Variants in SMARCAD1 observed in about 807,000 individuals in gnomAD.
The protein encoded by SMARCAD1 is SNF2 related chromatin remodeling ATPase with DExD box 1, also known as SWI/SNF-related matrix-associated actin-dependent regulator of chromatin subfamily A containing DEAD/H box 1.
Under a neutral mutation model 127.1 loss-of-function variants are expected in SMARCAD1, and 25 were observed. That is an observed-to-expected ratio of 0.20 (90% CI 0.14 to 0.27). The LOEUF (loss-of-function observed/expected upper bound fraction) is 0.27, where lower values mean the gene tolerates loss of function less well. SMARCAD1 is among the 10% of genes least tolerant of loss of function. The pLI is 1.00. For synonymous variants in SMARCAD1, 400 were observed against 396.9 expected (o/e 1.01, Z -0.09); for missense variants, 807 against 1,206.0 (o/e 0.67, Z 4.90).
intron 10 of SMARCAD1, among the ~76,000 whole-genome samples, chr4:94,269,785 C>G (rs1457508361): frequency 6.6e-6 from 1 of 152,076 alleles, no homozygotes; most frequent in Non-Finnish European, 1.5e-5. Context: ...CCTTCCACCT[C>G]AGTCTCCTGA....
intron 8 of SMARCAD1, among the ~76,000 whole-genome samples, chr4:94,251,628 A>G (rs2125915205): frequency 6.6e-6 from 1 of 152,324 alleles, no homozygotes; most frequent in Middle Eastern, 3.4e-3. Context: ...TTTTTTATAA[A>G]TGCACAAAAA....
At chr4:94,265,882 T>G (rs1384157729) in intron 10 of SMARCAD1, among the ~76,000 whole-genome samples, 2 of 152,044 alleles carry the variant, frequency 1.3e-5, no homozygotes, top group East Asian at 3.8e-4. Context: ...AGCAGTAGGA[T>G]CTCATTAAAA....
intron 7 of SMARCAD1, among the ~76,000 whole-genome samples, chr4:94,250,133 G>A (rs12499309): frequency 0.4 from 60,151 of 151,204 alleles, 12,611 homozygotes; most frequent in East Asian, 0.71. Context: ...CCATTTCAGT[G>A]TCTTAATATT....
At position 94,276,666 on chromosome 4, in the gene SMARCAD1, C is replaced by T. The variant is rs114726255; in HGVS notation, c.1944+192C>T. ...TTTATGGACTAGATGGCCTCTGTCA[C>T]GTATTCTTTGATTTTGTTTTTTAAC... is the stretch of plus-strand genomic sequence containing the variant. On this transcript the variant is annotated intron_variant, in intron 15 of 23. Coordinates refer to ENST00000354268, the MANE Select transcript of SMARCAD1 (RefSeq NM_020159.5). Among the ~76,000 whole-genome samples the T allele has an allele frequency of 5.3e-3, 811 of 152,158 alleles. 5 individuals carry two copies. Among genetic ancestry groups the T allele is most frequent in the African/African-American group, 0.018 (768 of 41,524 alleles).
chr4:94,256,996 A>G (rs544882275), intron 9 of SMARCAD1, among the ~76,000 whole-genome samples: 8 of 152,274 alleles, frequency 5.3e-5, no homozygotes, highest in East Asian at 1.9e-4. Context: ...CCTCCTTCCT[A>G]TGGAAATTCA....
At chr4:94,264,600 A>T in intron 9 of SMARCAD1, 107 bp from the exon 10 acceptor site, 1 of 883,518 alleles carries the variant, frequency 1.1e-6, no homozygotes, top group Non-Finnish European at 1.8e-6. Flanking sequence ...TAAGCTCATT[A>T]AGTAAAAGTT....
At chr4:94,267,202 CCTGTTCTTACACAGGAGCT>C (rs1751857878) in intron 10 of SMARCAD1, among the ~76,000 whole-genome samples, 1 of 152,094 alleles carries the variant, frequency 6.6e-6, no homozygotes, top group African/African-American at 2.4e-5. Context: ...TGGTTCCTAC[CCTGTTCTTACACAGGAGCT>C]CTGAGACCCT....
At chr4:94,283,548 G>A (rs571339045) in intron 22 of SMARCAD1, among the ~76,000 whole-genome samples, 1 of 152,190 alleles carries the variant, frequency 6.6e-6, no homozygotes, top group Non-Finnish European at 1.5e-5. Context: ...ATTGACGGCC[G>A]GGCGCCGTGG....
chr4:94,217,416 A>G (rs561838052), intron 2 of SMARCAD1, among the ~76,000 whole-genome samples: 105 of 152,256 alleles, frequency 6.9e-4, no homozygotes, highest in Middle Eastern at 3.4e-3. Flanking sequence ...TGTCATATAT[A>G]TGATGTATCC....
chr4:94,272,868 G>A (rs933186901), intron 11 of SMARCAD1, among the ~76,000 whole-genome samples: 20 of 151,840 alleles, frequency 1.3e-4, no homozygotes, highest in African/African-American at 3.1e-4. Context: ...GTGCAGCGGC[G>A]CACTCTCAGC....
intron 10 of SMARCAD1, among the ~76,000 whole-genome samples, chr4:94,265,491 A>G (rs945136045): frequency 3.3e-5 from 5 of 151,794 alleles, no homozygotes; most frequent in Non-Finnish European, 7.4e-5. Context: ...TCAATAAAAT[A>G]CTTGTCAGAA....
intron 6 of SMARCAD1, among the ~76,000 whole-genome samples, chr4:94,248,936 C>G (rs1247002475): frequency 6.6e-6 from 1 of 152,078 alleles, no homozygotes; most frequent in African/African-American, 2.4e-5. Context: ...TGGTGCAGTT[C>G]TAAGCAGAGT....
intron 9 of SMARCAD1, among the ~76,000 whole-genome samples, chr4:94,255,436 T>C: frequency 6.6e-6 from 1 of 152,054 alleles, no homozygotes; most frequent in Non-Finnish European, 1.5e-5. Context: ...TATTTCATTG[T>C]CTTATTATAA....
intron 5 of SMARCAD1, 141 bp from the exon 6 acceptor site, chr4:94,240,763 CAT>C (rs1236695722): frequency 1.4e-5 from 9 of 663,606 alleles, no homozygotes; most frequent in Admixed American, 4.8e-5. Flanking sequence ...TCAATTCAGT[CAT>C]ATGTAGAACA....
At chr4:94,232,654 T>A (rs1005729783) in intron 3 of SMARCAD1, among the ~76,000 whole-genome samples, 4 of 152,094 alleles carry the variant, frequency 2.6e-5, no homozygotes, top group African/African-American at 9.7e-5. Context: ...CCTAGAAGCT[T>A]TTGAAATACG....
Position 94,276,422 on chromosome 4 carries a change from A to G in SMARCAD1, c.1892A>G (p.His631Arg), listed in dbSNP as rs1166204678. The change falls in exon 15 of 24, where the codon CAT becomes CGT. Residue 631 changes from histidine (H) to arginine (R), a missense_variant. Coordinates refer to ENST00000354268, the MANE Select transcript of SMARCAD1 (RefSeq NM_020159.5). ...KLNYAIFDEG[H>R]MLKNMGSIRY... ...AATTACGCAATTTTTGATGAGGGCC[A>G]TATGCTGAAGAATATGGGCTCCATT... is the stretch of plus-strand genomic sequence containing the variant. 1 of 1,614,172 alleles carries G rather than the reference A, an allele frequency of 6.2e-7. No individual in the cohort carries two copies. Among genetic ancestry groups the G allele is most frequent in the Admixed American group, 1.7e-5 (1 of 60,022 alleles).
chr4:94,215,754 A>G (rs1743070526), intron 2 of SMARCAD1, among the ~76,000 whole-genome samples: 1 of 152,164 alleles, frequency 6.6e-6, no homozygotes. Context: ...ATACCTGTCT[A>G]AAATATTGCA....
intron 9 of SMARCAD1, among the ~76,000 whole-genome samples, chr4:94,258,804 A>G (rs1750511966): frequency 6.6e-6 from 1 of 152,240 alleles, no homozygotes; most frequent in Admixed American, 6.5e-5. Context: ...AAATGCCATC[A>G]GTTGCCTGGC....
In SMARCAD1 at chr4:94,290,368, A is replaced by G; in HGVS notation, c.*834A>G. On this transcript the variant is annotated 3_prime_UTR_variant, in exon 24 of 24. Transcript: ENST00000354268. ...GCTCCAATTCTCTTCCTCTCTAAAT[A>G]GTAGTTTATTACTGCCACATCTCCA... 1 of 454,412 alleles carries G rather than the reference A, an allele frequency of 2.2e-6. No individual in the cohort carries two copies. The allele number at this position is 454,412 out of a possible 1,614,324, so 28.1% of individuals were successfully genotyped here. A position where few individuals can be genotyped will look rare whatever the true frequency, so the allele number is the denominator to read the frequency against.
Sources: allele counts gnomAD v4.1 joint callset (sites outside exome capture counted in the v4.1 genomes callset), GRCh38; gene constraint gnomAD v4.1.1; transcripts MANE v1.5; gene names NCBI Gene and HGNC (gene_info 2026-07-23, HGNC 2026-07-21).